PLD1: variants seen among roughly 807,000 people sequenced by gnomAD.
PLD1 encodes the protein phospholipase D1, also known as choline phosphatase 1.
In PLD1, 112 loss-of-function variants were observed where a neutral mutation model predicts 137.1. That is an observed-to-expected ratio of 0.82 (90% CI 0.70 to 0.96). The LOEUF (loss-of-function observed/expected upper bound fraction) is 0.96, where lower values mean the gene tolerates loss of function less well. Ranked by LOEUF, PLD1 falls within the 40% of genes least tolerant of loss-of-function variation. The probability of loss-of-function intolerance (pLI) is 0.00; values close to 1 mark genes in which losing one functional copy is unlikely to be tolerated. For synonymous variants in PLD1, 431 were observed against 454.7 expected (o/e 0.95, Z 0.66); for missense variants, 1,321 against 1,342.0 (o/e 0.98, Z 0.24).
chr3:171,683,121 T>C (rs747732907), intron 16 of PLD1, among the ~76,000 whole-genome samples: 10 of 152,156 alleles, frequency 6.6e-5, no homozygotes, highest in Non-Finnish European at 1.3e-4. Context: ...TCATTTCAGT[T>C]CATGGAAATT....
intron 23 of PLD1, among the ~76,000 whole-genome samples, chr3:171,623,185 G>A (rs1240668904): frequency 6.6e-6 from 1 of 151,970 alleles, no homozygotes; most frequent in Non-Finnish European, 1.5e-5. Context: ...ATAAGGTAAT[G>A]TAATGGTAAA....
At chr3:171,608,682 G>A (rs1457311249) in intron 25 of PLD1, among the ~76,000 whole-genome samples, 5 of 152,130 alleles carry the variant, frequency 3.3e-5, no homozygotes, top group Admixed American at 6.6e-5. Flanking sequence ...GTCCTACTAC[G>A]TATCGTAAGG....
chr3:171,767,082 TAA>T (rs1338849272), intron 1 of PLD1, among the ~76,000 whole-genome samples: 1 of 152,102 alleles, frequency 6.6e-6, no homozygotes, highest in African/African-American at 2.4e-5. Flanking sequence ...TGGGCAGAAA[TAA>T]AGAGGACACT....
intron 23 of PLD1, among the ~76,000 whole-genome samples, chr3:171,622,752 A>G (rs886805795): frequency 6.6e-6 from 1 of 151,204 alleles, no homozygotes; most frequent in African/African-American, 2.4e-5. Flanking sequence ...TCATATAAAA[A>G]GTAAAGTCAT....
chr3:171,717,328 C>T (rs377445850), intron 8 of PLD1, among the ~76,000 whole-genome samples: 5 of 152,276 alleles, frequency 3.3e-5, no homozygotes, highest in South Asian at 4.1e-4. Context: ...ATTGTTTCTT[C>T]CTATCCATGA....
chr3:171,661,628 C>G (rs1711518862), intron 20 of PLD1, among the ~76,000 whole-genome samples: 2 of 152,148 alleles, frequency 1.3e-5, no homozygotes, highest in Admixed American at 6.5e-5. Flanking sequence ...TCCCTGCACT[C>G]TCCCTACTCC....
At chr3:171,678,590 T>C (rs1189555278) in intron 16 of PLD1, among the ~76,000 whole-genome samples, 2 of 152,166 alleles carry the variant, frequency 1.3e-5, no homozygotes, top group Admixed American at 6.5e-5. Context: ...TGCAAAAATA[T>C]GTGTTGAATG....
chr3:171,749,217 C>T (rs1378851479), intron 1 of PLD1, among the ~76,000 whole-genome samples: 1 of 152,160 alleles, frequency 6.6e-6, no homozygotes, highest in African/African-American at 2.4e-5. Flanking sequence ...CTGATGGGCA[C>T]ACTGGAACTG....
chr3:171,690,603 CTTGT>C (rs1344193829), intron 13 of PLD1, among the ~76,000 whole-genome samples: 1 of 152,084 alleles, frequency 6.6e-6, no homozygotes, highest in Non-Finnish European at 1.5e-5. Flanking sequence ...TTTATCATTG[CTTGT>C]TTAACAGTGT....
chr3:171,627,196 C>G (rs1578136053), intron 23 of PLD1, among the ~76,000 whole-genome samples: 1 of 152,112 alleles, frequency 6.6e-6, no homozygotes, highest in South Asian at 2.1e-4. Flanking sequence ...AAAAAAAAGG[C>G]AGGGGTTGCA....
intron 1 of PLD1, among the ~76,000 whole-genome samples, chr3:171,768,864 C>T (rs929440647): frequency 6.6e-6 from 1 of 152,140 alleles, no homozygotes; most frequent in Non-Finnish European, 1.5e-5. Context: ...TTAATTAGCA[C>T]AAAACTCAAC....
Position 171,764,892 on chromosome 3 carries a change from AAAGGAAGG to A in PLD1, c.-31-26818_-31-26811del, listed in dbSNP as rs61475367. 5.4e-3 allele frequency among the ~76,000 whole-genome samples: 109 copies of A among 20,372 alleles called. 5 individuals carry two copies. The highest frequency in any genetic ancestry group is 0.019 in the African/African-American group (104 of 5,616). The allele number at this position is 20,372 out of a possible 152,430, so 13.4% of individuals were successfully genotyped here. A position where few individuals can be genotyped will look rare whatever the true frequency, so the allele number is the denominator to read the frequency against. On this transcript the variant is annotated intron_variant, in intron 1 of 26. Coordinates refer to ENST00000351298, the MANE Select transcript of PLD1 (RefSeq NM_002662.5). ...GAAAGAAAGAAAGAAAGAAAGAAAG[AAAGGAAGG>A]AAGGAAGGAAGGAAAGAAAGAAAGG... is the stretch of plus-strand genomic sequence containing the variant.
rs1411291342 is a variant in PLD1, at chr3:171,674,572, C to A, written c.2157G>T (p.Leu719=). 1.9e-6 allele frequency: 3 copies of A among 1,608,834 alleles called. No homozygotes were observed. In the East Asian group the frequency reaches 6.7e-5, roughly 36 times the overall value. Residue 719 remains leucine, a synonymous_variant, in exon 19 of 27, where the codon CTG becomes CTT. Coordinates refer to ENST00000351298, the MANE Select transcript of PLD1 (RefSeq NM_002662.5). ...SKYRSLSYPF[L]LPKSQTTAHE... ...GGGCTGTTGTTTGAGACTTTGGAAG[C>A]AGAAAAGGATAAGAAAGGGACCGAT...
intron 1 of PLD1, among the ~76,000 whole-genome samples, chr3:171,807,314 G>T (rs1723890998): frequency 1.3e-5 from 2 of 152,158 alleles, no homozygotes; most frequent in Admixed American, 1.3e-4. Context: ...AGTTTAAAAG[G>T]TGCATTTCTC....
At chr3:171,615,187 T>C (rs1732995907) in intron 24 of PLD1, among the ~76,000 whole-genome samples, 1 of 152,158 alleles carries the variant, frequency 6.6e-6, no homozygotes, top group Non-Finnish European at 1.5e-5. Flanking sequence ...ATACAACATA[T>C]GAGGAAGAAG....
At chr3:171,670,130 G>T (rs1485042224) in intron 19 of PLD1, among the ~76,000 whole-genome samples, 1 of 152,096 alleles carries the variant, frequency 6.6e-6, no homozygotes, top group East Asian at 1.9e-4. Flanking sequence ...GGTTTGTGTA[G>T]GCGGGTACAG....
At chr3:171,763,365 G>A (rs931045046) in intron 1 of PLD1, among the ~76,000 whole-genome samples, 1 of 150,434 alleles carries the variant, frequency 6.6e-6, no homozygotes, top group South Asian at 2.1e-4. Flanking sequence ...CAAGGCTGCG[G>A]TGAAGTTTGA....
At chr3:171,621,547 T>C (rs558333097) in intron 23 of PLD1, among the ~76,000 whole-genome samples, 1 of 152,342 alleles carries the variant, frequency 6.6e-6, no homozygotes, top group South Asian at 2.1e-4. Flanking sequence ...TCAGTGTTTC[T>C]ATTAAGTTTG....
chr3:171,644,389 A>G (rs1736016741), intron 22 of PLD1, among the ~76,000 whole-genome samples: 1 of 152,230 alleles, frequency 6.6e-6, no homozygotes, highest in African/African-American at 2.4e-5. Context: ...AGCTTTTAAA[A>G]ATATCAAGCA....
Sources: gnomAD v4.1 joint callset for allele counts (sites outside exome capture counted in the v4.1 genomes callset) on GRCh38, gnomAD v4.1.1 for gene constraint, MANE v1.5 for transcripts, NCBI Gene and HGNC (gene_info 2026-07-23, HGNC 2026-07-21) for gene names.